The following ADGRV1 variants were observed in gnomAD, a reference collection of about 807,000 sequenced individuals.
The protein encoded by ADGRV1 is G-protein coupled receptor 98.
ADGRV1 carries 359 observed loss-of-function variants against 596.2 expected under a neutral mutation model. That is an observed-to-expected ratio of 0.60 (90% CI 0.55 to 0.66). The LOEUF is 0.66. Among genes scored for constraint, ADGRV1 ranks in the 30% least tolerant of loss-of-function variants. The pLI is 0.00. For synonymous variants in ADGRV1, 2,681 were observed against 2,679.2 expected, an observed-to-expected ratio of 1.00 and a Z score of -0.02; for missense variants, 7,274 against 7,575.6, an observed-to-expected ratio of 0.96 and a Z score of 1.48.
At chr5:90,702,304 A>T (rs1439625065) in intron 34 of ADGRV1, among the ~76,000 whole-genome samples, 1 of 151,890 alleles carries the variant, frequency 6.6e-6, no homozygotes, top group East Asian at 1.9e-4. Flanking sequence ...TGATCTAGAA[A>T]TTCCTGTGCT....
intron 1 of ADGRV1, among the ~76,000 whole-genome samples, chr5:90,590,313 C>T (rs150638258): frequency 6.6e-4 from 101 of 152,216 alleles, no homozygotes; most frequent in Non-Finnish European, 1.1e-3. Context: ...AGTTGCAGCT[C>T]GATAACGGCT....
chr5:90,739,925 C>T (rs550557995), intron 50 of ADGRV1, among the ~76,000 whole-genome samples: 1 of 152,270 alleles, frequency 6.6e-6, no homozygotes, highest in Non-Finnish European at 1.5e-5. Flanking sequence ...GTCAGATGCT[C>T]CCCTCAGAAG....
At chr5:90,660,871 G>C (rs1380237836) in intron 21 of ADGRV1, among the ~76,000 whole-genome samples, 1 of 152,108 alleles carries the variant, frequency 6.6e-6, no homozygotes. Context: ...CTCTGACATA[G>C]CCTGCTATTT....
intron 85 of ADGRV1, among the ~76,000 whole-genome samples, chr5:91,044,531 A>G (rs1485679517): frequency 6.6e-6 from 1 of 152,188 alleles, no homozygotes; most frequent in Non-Finnish European, 1.5e-5. Context: ...GAAATGTTAG[A>G]GCTGTTGCCT....
chr5:91,047,787 GTTTCT>G (rs1203927087), intron 85 of ADGRV1, among the ~76,000 whole-genome samples: 1 of 152,130 alleles, frequency 6.6e-6, no homozygotes, highest in Non-Finnish European at 1.5e-5. Flanking sequence ...GTCACTGGTT[GTTTCT>G]TTATAATTTA....
chr5:90,610,135 G>C (rs1762562858), intron 1 of ADGRV1, among the ~76,000 whole-genome samples: 1 of 151,692 alleles, frequency 6.6e-6, no homozygotes, highest in Non-Finnish European at 1.5e-5. Flanking sequence ...ATTTCCTAAG[G>C]TGCCCATCAT....
intron 79 of ADGRV1, among the ~76,000 whole-genome samples, chr5:90,851,134 T>TGTGTGTGAGAGAGAGAGAGA (rs757909771): frequency 2.0e-4 from 16 of 81,508 alleles, no homozygotes; most frequent in Admixed American, 9.3e-4. Flanking sequence ...TGTGTGTGTG[T>TGTGTGTGAGAGAGAGAGAGA]GAGAGAGAGA....
intron 85 of ADGRV1, among the ~76,000 whole-genome samples, chr5:91,048,777 T>C (rs1786057552): frequency 1.3e-5 from 2 of 152,186 alleles, no homozygotes; most frequent in African/African-American, 4.8e-5. Flanking sequence ...CCTGATGCCT[T>C]AGGTTCTTGA....
At chr5:90,819,550 T>C (rs1763260934) in intron 75 of ADGRV1, among the ~76,000 whole-genome samples, 1 of 150,790 alleles carries the variant, frequency 6.6e-6, no homozygotes. Context: ...CTTGTGGGCA[T>C]TTAGTGCTAT....
rs1163150034 is a variant in ADGRV1, at chr5:90,694,373, A to G, written c.7617A>G (p.Leu2539=). The G allele has an allele frequency of 1.2e-6, 2 of 1,613,994 alleles. No individual in the cohort carries two copies. The highest frequency in any genetic ancestry group is 8.5e-7 in the Non-Finnish European group (1 of 1,179,878). The change falls in exon 33 of 90, where the codon CTA becomes CTG. Residue 2539 remains leucine, a synonymous_variant. Transcript: ENST00000405460. The part of the protein sequence containing the change: ...DDFPEMDESF[L]ISLLEVHLMN... The stretch of plus-strand genomic sequence containing the variant: ...TCCCAGAGATGGATGAGAGTTTTCT[A>G]ATTTCTCTCCTTGAAGTTCACCTCA...
At chr5:91,149,974 A>T in intron 87 of ADGRV1, 56 bp from the exon 88 acceptor site, 1 of 1,424,998 alleles carries the variant, frequency 7.0e-7, no homozygotes, top group Non-Finnish European at 9.4e-7. Flanking sequence ...ACTGACTTTG[A>T]CATGCTGATG....
chr5:90,662,089 C>T (rs1487366374), intron 21 of ADGRV1, among the ~76,000 whole-genome samples: 1 of 150,930 alleles, frequency 6.6e-6, no homozygotes, highest in Non-Finnish European at 1.5e-5. Flanking sequence ...ATAGAGTATA[C>T]ACAAAAATAG....
In ADGRV1 at chr5:90,899,065, C is replaced by T. The variant is rs954624399; in HGVS notation, c.17856+35208C>T. The T allele has an allele frequency of 5.3e-5, 8 of 152,316 alleles. No homozygotes were observed. The East Asian group carries it at 1.3e-3, about 26-fold the overall frequency. The allele number at this position is 152,316 out of a possible 1,614,324, so 9.4% of individuals were successfully genotyped here. A position where few individuals can be genotyped will look rare whatever the true frequency, so the allele number is the denominator to read the frequency against. ...AGTTCTGGTTAAAGATTAAAACAGA[C>T]TCTGCTGCTGTCTTTCTTATGTAAA... is the stretch of plus-strand genomic sequence containing the variant. On this transcript the variant is annotated intron_variant, in intron 83 of 89. Coordinates refer to ENST00000405460, the MANE Select transcript of ADGRV1 (RefSeq NM_032119.4).
chr5:90,731,441 C>G (rs910467972), intron 50 of ADGRV1, among the ~76,000 whole-genome samples: 4 of 152,150 alleles, frequency 2.6e-5, no homozygotes, highest in Non-Finnish European at 5.9e-5. Flanking sequence ...CAGAGCCAAA[C>G]CATTTCAATG....
At chr5:90,721,590 AT>A (rs1220152485) in intron 45 of ADGRV1, among the ~76,000 whole-genome samples, 3,003 of 122,430 alleles carry the variant, frequency 0.025, 465 homozygotes, top group African/African-American at 0.081. Flanking sequence ...ATAAAATAAA[AT>A]ATGTATTTAG....
rs188574548 is a variant in ADGRV1, at chr5:90,775,475, C to T, written c.12404-978C>T. Among the ~76,000 whole-genome samples the T allele has an allele frequency of 3.2e-4, 48 of 152,042 alleles. No individual in the cohort carries two copies. The East Asian group carries it at 9.1e-3, about 29-fold the overall frequency. ...GATTGGATCAGGATAAATCATTTAC[C>T]ATATCAAAAAAATTTTTTTGAGGCA... On this transcript the variant is annotated intron_variant, in intron 60 of 89. Coordinates refer to ENST00000405460, the MANE Select transcript of ADGRV1 (RefSeq NM_032119.4).
At chr5:90,620,433 C>G (rs1221829826) in intron 4 of ADGRV1, among the ~76,000 whole-genome samples, 1 of 152,144 alleles carries the variant, frequency 6.6e-6, no homozygotes, top group Admixed American at 6.5e-5. Context: ...CCTTTGCCCA[C>G]TTTTTGATGG....
intron 83 of ADGRV1, among the ~76,000 whole-genome samples, chr5:90,869,225 A>G (rs1768431865): frequency 6.6e-6 from 1 of 152,200 alleles, no homozygotes; most frequent in African/African-American, 2.4e-5. Flanking sequence ...TAAGATTTGA[A>G]GACTTGGAAT....
intron 52 of ADGRV1, among the ~76,000 whole-genome samples, chr5:90,746,219 G>C (rs954627301): frequency 2.3e-5 from 3 of 132,076 alleles, no homozygotes; most frequent in Non-Finnish European, 3.2e-5. Flanking sequence ...TGTGGAGAGG[G>C]GAAGAGAATG....
Sources: allele counts gnomAD v4.1 joint callset (sites outside exome capture counted in the v4.1 genomes callset), GRCh38; gene constraint gnomAD v4.1.1; transcripts MANE v1.5; gene names NCBI Gene and HGNC (gene_info 2026-07-23, HGNC 2026-07-21).